Variants in IFI44L observed in about 807,000 individuals in gnomAD.
The protein encoded by IFI44L is interferon-induced protein 44-like.
In IFI44L, 40 loss-of-function variants were observed where a neutral mutation model predicts 39.3. That is an observed-to-expected ratio of 1.02 (90% CI 0.79 to 1.33). The LOEUF (loss-of-function observed/expected upper bound fraction) is 1.33, where lower values mean the gene tolerates loss of function less well. Ranked by LOEUF, IFI44L falls within the 40% of genes most tolerant of loss-of-function variation. The pLI is 0.00. For synonymous variants in IFI44L, 198 were observed against 182.3 expected (o/e 1.09, Z -0.69); for missense variants, 623 against 549.0 (o/e 1.13, Z -1.35).
At chr1:78,630,348 C>T (rs570662894) in intron 4 of IFI44L, among the ~76,000 whole-genome samples, 3 of 151,982 alleles carry the variant, frequency 2.0e-5, no homozygotes, top group African/African-American at 7.2e-5. Context: ...AGCAAAATAG[C>T]AATTCACTTT....
intron 1 of IFI44L, among the ~76,000 whole-genome samples, chr1:78,623,115 G>A (rs1570347510): frequency 2.0e-5 from 3 of 152,166 alleles, no homozygotes; most frequent in Non-Finnish European, 4.4e-5. Flanking sequence ...CCACATATAA[G>A]ATAATATCAT....
intron 5 of IFI44L, chr1:78,636,779 C>T: frequency 5.2e-6 from 2 of 383,612 alleles, no homozygotes. Flanking sequence ...TTTAAACTTT[C>T]CTGCAATACT....
intron 4 of IFI44L, among the ~76,000 whole-genome samples, chr1:78,630,912 C>G (rs981348129): frequency 1.1e-4 from 16 of 152,092 alleles, no homozygotes; most frequent in African/African-American, 3.9e-4. Context: ...TTTCTGTTTG[C>G]TAAATATTTA....
At position 78,635,939 on chromosome 1, in the gene IFI44L, C is replaced by T. The variant is rs149131741; in HGVS notation, c.876+450C>T. The T allele has an allele frequency of 6.7e-3, 1,095 of 162,500 alleles. 11 individuals are homozygous for T. The highest frequency in any genetic ancestry group is 8.5e-3 in the Middle Eastern group (3 of 354). 10.1% of individuals were successfully genotyped at this position (162,500 alleles called of 1,614,324 possible). A position where few individuals can be genotyped will look rare whatever the true frequency, so the allele number is the denominator to read the frequency against. On this transcript the variant is annotated intron_variant, in intron 5 of 8. Transcript: ENST00000370751. ...GCTTTGCTACTAACAGATGTTTACC[C>T]GTAAGTTGCACACTTCTCTCTCTCG...
At chr1:78,630,019 T>G in intron 4 of IFI44L, 104 bp downstream of exon 4, 1 of 1,072,976 alleles carries the variant, frequency 9.3e-7, no homozygotes, top group Non-Finnish European at 1.4e-6. Context: ...AATTAAATGC[T>G]AAATCAAATG....
intron 4 of IFI44L, among the ~76,000 whole-genome samples, chr1:78,632,197 A>G (rs539132269): frequency 6.6e-6 from 1 of 152,168 alleles, no homozygotes; most frequent in African/African-American, 2.4e-5. Flanking sequence ...GATATTTGGC[A>G]GGTATCTTAA....
Position 78,644,436 on chromosome 1 carries a change from T to C in IFI44L, c.*2627T>C, listed in dbSNP as rs1293500367. ...GGCAAAATGATACCACAACTTCTTA[T>C]TCTCTGGCTCTATATTGCTTTGGAA... On this transcript the variant is annotated 3_prime_UTR_variant, in exon 9 of 9. Transcript: ENST00000370751. 6.6e-6 allele frequency: 1 copy of C among 152,180 alleles called. No individual in the cohort carries two copies. The highest frequency in any genetic ancestry group is 1.9e-4 in the East Asian group (1 of 5,194). The allele number at this position is 152,180 out of a possible 1,614,324, so 9.4% of individuals were successfully genotyped here. A position where few individuals can be genotyped will look rare whatever the true frequency, so the allele number is the denominator to read the frequency against.
rs926473984 is a variant in IFI44L at position 78,643,381 on chromosome 1, T to G, written c.*1572T>G. On this transcript the variant is annotated 3_prime_UTR_variant, in exon 9 of 9. Coordinates refer to ENST00000370751, the MANE Select transcript of IFI44L (RefSeq NM_006820.4). ...TATTTTAGGCTCACCAGAGTTGTTC[T>G]TATTGCACAGTAACACACCAATATA... 6.6e-6 allele frequency: 1 copy of G among 152,144 alleles called. No homozygotes were observed. Among genetic ancestry groups the G allele is most frequent in the Admixed American group, 6.6e-5 (1 of 15,266 alleles). 9.4% of individuals were successfully genotyped at this position (152,144 alleles called of 1,614,324 possible). A position where few individuals can be genotyped will look rare whatever the true frequency, so the allele number is the denominator to read the frequency against.
Position 78,641,577 on chromosome 1 carries a change from A to AT in IFI44L, c.1298dup (p.Leu433PhefsTer7), listed in dbSNP as rs777919142. 18 of 1,613,546 alleles carry AT rather than the reference A, an allele frequency of 1.1e-5. No homozygotes were observed. The highest frequency in any genetic ancestry group is 2.2e-5 in the East Asian group (1 of 44,852). ...AGGCAGATGCTGCGGGCTGCAGATG[A>AT]TTTTTTAGAAGATTTGCCTCTTGAG... On this transcript the variant is annotated frameshift_variant, in exon 8 of 9. Coordinates refer to ENST00000370751, the MANE Select transcript of IFI44L (RefSeq NM_006820.4). LOFTEE classifies it low-confidence loss of function (END_TRUNC).
chr1:78,622,673 T>G (rs191587084), intron 1 of IFI44L, among the ~76,000 whole-genome samples: 14 of 152,298 alleles, frequency 9.2e-5, no homozygotes, highest in African/African-American at 3.4e-4. Flanking sequence ...TTCTCTCCCT[T>G]GCTGGTTTCA....
chr1:78,624,276 G>A (rs146061486), intron 1 of IFI44L, among the ~76,000 whole-genome samples: 11 of 152,182 alleles, frequency 7.2e-5, no homozygotes, highest in Non-Finnish European at 1.5e-4. Context: ...GTTTACAGGT[G>A]TGAGTCACCA....
At chr1:78,623,443 T>C in intron 1 of IFI44L, among the ~76,000 whole-genome samples, 1 of 144,572 alleles carries the variant, frequency 6.9e-6, no homozygotes, top group Non-Finnish European at 1.5e-5. Context: ...TGGAAGGACT[T>C]GGGTTTTATC....
intron 1 of IFI44L, chr1:78,627,388 T>C (rs967336111): frequency 2.6e-5 from 4 of 152,076 alleles, no homozygotes; most frequent in African/African-American, 9.7e-5. Context: ...CAAGAATTCC[T>C]AGGCTCCATT....
At chr1:78,635,258 A>G in intron 4 of IFI44L, 79 bp from the exon 5 acceptor site, 1 of 1,165,948 alleles carries the variant, frequency 8.6e-7, no homozygotes, top group Non-Finnish European at 1.2e-6. Flanking sequence ...AATATTAACC[A>G]ATCTCTTTTC....
intron 4 of IFI44L, among the ~76,000 whole-genome samples, chr1:78,632,572 C>T (rs1006848936): frequency 6.6e-6 from 1 of 152,096 alleles, no homozygotes; most frequent in Non-Finnish European, 1.5e-5. Context: ...ATAAAAATGT[C>T]GCAGATTCCA....
intron 6 of IFI44L, among the ~76,000 whole-genome samples, chr1:78,637,516 T>C (rs892365697): frequency 2.6e-5 from 4 of 152,092 alleles, no homozygotes; most frequent in African/African-American, 9.6e-5. Context: ...GTTAACAATG[T>C]GTGTTTATAG....
Position 78,641,869 on chromosome 1 carries a change from T to A in IFI44L, c.*60T>A, listed in dbSNP as rs1646990890. ...CTGTACTGGTGTGCCGCAATGAGAG[T>A]CAATCTCTATTGACAGCCTGCTTCA... On this transcript the variant is annotated 3_prime_UTR_variant, in exon 9 of 9. Transcript: ENST00000370751. The A allele has an allele frequency of 1.0e-5, 16 of 1,537,978 alleles. No homozygotes were observed. The highest frequency in any genetic ancestry group is 1.4e-5 in the Non-Finnish European group (16 of 1,111,028).
Position 78,641,047 on chromosome 1 carries a change from A to T in IFI44L, c.1075A>T (p.Lys359Ter). The T allele has an allele frequency of 6.2e-7, 1 of 1,612,314 alleles. No individual in the cohort carries two copies. The highest frequency in any genetic ancestry group is 8.5e-7 in the Non-Finnish European group (1 of 1,178,652). The change falls in exon 7 of 9, where the codon AAA (lysine) becomes TAA (stop). Residue 359 changes from lysine (K) to a stop codon, truncating the protein, a stop_gained. Transcript: ENST00000370751. LOFTEE classifies it high-confidence loss of function. ...TATAGCATATGTGGCCTTGCTTACT[A>T]AAGTGGATGATTGCAGTGAGGTTCT... Reference protein sequence around the residue: ...CGIAYVALLTKVDDCSEVLQD... With the variant: ...CGIAYVALLT
At chr1:78,640,360 T>G (rs546492603) in intron 6 of IFI44L, among the ~76,000 whole-genome samples, 1 of 152,150 alleles carries the variant, frequency 6.6e-6, no homozygotes, top group Non-Finnish European at 1.5e-5. Flanking sequence ...TTGCTAGTTA[T>G]TCCTCTGAAA....
Sources: gnomAD v4.1 joint callset for allele counts (sites outside exome capture counted in the v4.1 genomes callset) on GRCh38, gnomAD v4.1.1 for gene constraint, MANE v1.5 for transcripts, NCBI Gene and HGNC (gene_info 2026-07-23, HGNC 2026-07-21) for gene names.